The following CTNNA2 variants were observed in gnomAD, a reference collection of about 807,000 sequenced individuals.
CTNNA2 encodes catenin alpha 2, also known as catenin alpha-2.
In CTNNA2, 42 loss-of-function variants were observed where a neutral mutation model predicts 101.0. The ratio of observed to expected loss-of-function variants is 0.42; its 90% CI spans 0.32 to 0.54. CTNNA2 has a LOEUF of 0.54. Among genes scored for constraint, CTNNA2 ranks in the 20% least tolerant of loss-of-function variants. The pLI is 0.14. For missense variants in CTNNA2, 871 were observed against 1,223.1 expected, an observed-to-expected ratio of 0.71 and a Z score of 4.29; for synonymous variants, 450 against 456.4, an observed-to-expected ratio of 0.99 and a Z score of 0.18.
At chr2:79,684,413 C>T (rs2104661143) in intron 2 of CTNNA2, among the ~76,000 whole-genome samples, 1 of 152,218 alleles carries the variant, frequency 6.6e-6, no homozygotes, top group South Asian at 2.1e-4. Flanking sequence ...GTGTGAAAAA[C>T]TGTAGTTTAT....
intron 3 of CTNNA2, among the ~76,000 whole-genome samples, chr2:79,828,803 G>A (rs1200471079): frequency 6.6e-6 from 1 of 152,120 alleles, no homozygotes; most frequent in Non-Finnish European, 1.5e-5. Flanking sequence ...GCAAATTCTC[G>A]GCCCCATTCC....
At chr2:80,029,445 C>T (rs1695144466) in intron 7 of CTNNA2, 1 of 152,156 alleles carries the variant, frequency 6.6e-6, no homozygotes, top group African/African-American at 2.4e-5. Context: ...CTCACACTGA[C>T]TCCCATCTCA....
At chr2:80,215,219 C>A (rs371754000) in intron 7 of CTNNA2, among the ~76,000 whole-genome samples, 1 of 152,070 alleles carries the variant, frequency 6.6e-6, no homozygotes, top group Admixed American at 6.6e-5. Flanking sequence ...TCCTTTAGTT[C>A]GGAGAAGTTT....
intron 7 of CTNNA2, among the ~76,000 whole-genome samples, chr2:79,957,841 T>A (rs1487420902): frequency 8.5e-5 from 13 of 152,204 alleles, no homozygotes; most frequent in Admixed American, 7.9e-4. Context: ...AACTAGCCAT[T>A]TCTTTTTCAT....
At chr2:80,545,152 C>T (rs1691930577) in intron 10 of CTNNA2, 78 bp downstream of exon 10, 7 of 1,321,160 alleles carry the variant, frequency 5.3e-6, no homozygotes, top group Non-Finnish European at 7.4e-6. Flanking sequence ...CCTTTTCCTT[C>T]TCTATTTCCT....
chr2:79,435,699 A>C (rs1678705402), intron 4 of CTNNA2, among the ~76,000 whole-genome samples: 1 of 152,168 alleles, frequency 6.6e-6, no homozygotes, highest in Non-Finnish European at 1.5e-5. Context: ...TGATGACAAC[A>C]AATGCAGCAA....
chr2:79,366,523 CAG>C (rs1677755044), intron 3 of CTNNA2, among the ~76,000 whole-genome samples: 1 of 152,154 alleles, frequency 6.6e-6, no homozygotes, highest in South Asian at 2.1e-4. Context: ...CTCAGTGAAG[CAG>C]AGTTTACAAC....
At chr2:80,339,361 G>GCCAA (rs1672028971) in intron 7 of CTNNA2, among the ~76,000 whole-genome samples, 1 of 152,146 alleles carries the variant, frequency 6.6e-6, no homozygotes, top group Admixed American at 6.5e-5. Flanking sequence ...TGAGGTCTAT[G>GCCAA]CCAAAACTTT....
chr2:79,666,354 T>G (rs2104555925), intron 2 of CTNNA2, among the ~76,000 whole-genome samples: 1 of 152,348 alleles, frequency 6.6e-6, no homozygotes, highest in African/African-American at 2.4e-5. Flanking sequence ...TTGCCAAATT[T>G]ATTTTCTTTT....
intron 2 of CTNNA2, among the ~76,000 whole-genome samples, chr2:79,270,541 A>C (rs1333947024): frequency 6.6e-6 from 1 of 152,046 alleles, no homozygotes; most frequent in East Asian, 1.9e-4. Flanking sequence ...CTTACATGGC[A>C]GCAATTGCAC....
At chr2:79,917,645 A>T (rs1032648583) in intron 7 of CTNNA2, among the ~76,000 whole-genome samples, 8 of 151,762 alleles carry the variant, frequency 5.3e-5, no homozygotes, top group African/African-American at 1.7e-4. Context: ...TTATGATCAT[A>T]CTCCCTTTCT....
intron 1 of CTNNA2, among the ~76,000 whole-genome samples, chr2:79,626,108 C>G (rs945367042): frequency 1.8e-4 from 27 of 152,250 alleles, no homozygotes; most frequent in African/African-American, 5.8e-4. Flanking sequence ...CCTGTGGGAG[C>G]TACATCATCT....
intron 12 of CTNNA2, among the ~76,000 whole-genome samples, chr2:80,567,783 G>C (rs1177403902): frequency 1.3e-5 from 2 of 152,032 alleles, no homozygotes; most frequent in Non-Finnish European, 2.9e-5. Context: ...TGTCTGTGAT[G>C]GGGGGAGGAT....
At chr2:80,646,239 A>G (rs1298015468) in intron 18 of CTNNA2, among the ~76,000 whole-genome samples, 3 of 152,104 alleles carry the variant, frequency 2.0e-5, no homozygotes, top group Non-Finnish European at 4.4e-5. Flanking sequence ...GCTACAGTTC[A>G]TGAAGTTCAT....
intron 7 of CTNNA2, among the ~76,000 whole-genome samples, chr2:79,986,776 A>G (rs975567836): frequency 1.3e-4 from 20 of 152,176 alleles, no homozygotes; most frequent in African/African-American, 4.8e-4. Flanking sequence ...ATGAGGTTAG[A>G]TGGATAAGAT....
At chr2:79,625,934 C>G (rs1464453604) in intron 1 of CTNNA2, among the ~76,000 whole-genome samples, 1 of 152,168 alleles carries the variant, frequency 6.6e-6, no homozygotes, top group African/African-American at 2.4e-5. Context: ...CTTTGGCCCT[C>G]TGGCAGGGTT....
intron 7 of CTNNA2, among the ~76,000 whole-genome samples, chr2:79,961,060 G>A (rs1229164426): frequency 6.6e-6 from 1 of 152,164 alleles, no homozygotes; most frequent in African/African-American, 2.4e-5. Context: ...ATTGTGGATG[G>A]ATATAAGATC....
At chr2:79,751,590 T>C (rs1482195338) in intron 3 of CTNNA2, among the ~76,000 whole-genome samples, 5 of 62,810 alleles carry the variant, frequency 8.0e-5, no homozygotes, top group African/African-American at 2.2e-4. Flanking sequence ...AGAGACTCCA[T>C]CTCAAAAAAA....
At chr2:80,032,367 A>G (rs1695347068) in intron 7 of CTNNA2, among the ~76,000 whole-genome samples, 2 of 152,238 alleles carry the variant, frequency 1.3e-5, no homozygotes, top group African/African-American at 4.8e-5. Flanking sequence ...TAAGGGAATA[A>G]TACTGTTGAT....
Sources: allele counts gnomAD v4.1 joint callset (sites outside exome capture counted in the v4.1 genomes callset), GRCh38; gene constraint gnomAD v4.1.1; transcripts MANE v1.5; gene names NCBI Gene and HGNC (gene_info 2026-07-23, HGNC 2026-07-21).